The following DCP1A variants were observed in gnomAD, a reference collection of about 807,000 sequenced individuals.
DCP1A encodes the protein decapping mRNA 1A.
In DCP1A, 20 loss-of-function variants were observed where a neutral mutation model predicts 58.0. The observed-to-expected ratio is 0.34, with a 90% confidence interval of 0.24 to 0.50. The LOEUF (loss-of-function observed/expected upper bound fraction) is 0.50, where lower values mean the gene tolerates loss of function less well. DCP1A is among the 20% of genes least tolerant of loss of function. The probability of loss-of-function intolerance (pLI) is 0.98; values close to 1 mark genes in which losing one functional copy is unlikely to be tolerated. For missense variants in DCP1A, 613 were observed against 712.2 expected (o/e 0.86, Z 1.59); for synonymous variants, 285 against 275.1 (o/e 1.04, Z -0.36).
chr3:53,333,947 T>TA (rs1553691624), intron 3 of DCP1A, among the ~76,000 whole-genome samples: 1 of 151,962 alleles, frequency 6.6e-6, no homozygotes, highest in African/African-American at 2.4e-5. Context: ...TCCACGATCT[T>TA]AGAGTTTTTA....
At chr3:53,345,240 T>C (rs2089278210) in intron 1 of DCP1A, among the ~76,000 whole-genome samples, 1 of 152,178 alleles carries the variant, frequency 6.6e-6, no homozygotes, top group South Asian at 2.1e-4. Context: ...ACCTTCACTT[T>C]TTATAGCTAA....
intron 3 of DCP1A, among the ~76,000 whole-genome samples, chr3:53,333,942 G>C (rs1485686953): frequency 6.6e-6 from 1 of 151,718 alleles, no homozygotes; most frequent in Admixed American, 6.6e-5. Flanking sequence ...ACCTTTCCAC[G>C]ATCTTAGAGT....
At chr3:53,315,534 CAAAAAAAAA>C (rs1211486616) in intron 4 of DCP1A, among the ~76,000 whole-genome samples, 5 of 64,992 alleles carry the variant, frequency 7.7e-5, no homozygotes, top group Non-Finnish European at 1.4e-4. Context: ...GACTCTGTCT[CAAAAAAAAA>C]AAAAAAAAAA....
Position 53,292,484 on chromosome 3 carries a change from G to C in DCP1A, c.968C>G (p.Pro323Arg). Residue 323 changes from proline (P) to arginine (R), a missense_variant, in exon 7 of 10, where the codon CCA (proline) becomes CGA (arginine). Around this residue, in one of 3 missense-constraint regions of DCP1A, gnomAD observed 498 missense variants for 556.7 expected, o/e 0.89. Transcript: ENST00000610213. Reference protein sequence around the residue: ...PLSPVLSPTLPAEAPTAQVPP... With the variant: ...PLSPVLSPTLRAEAPTAQVPP... Reference sequence around the variant, plus strand: ...AACCTGTGCAGTAGGAGCTTCAGCTGGCAGAGTGGGACTGAGAACAGGGCT... The same window carrying C: ...AACCTGTGCAGTAGGAGCTTCAGCTCGCAGAGTGGGACTGAGAACAGGGCT... The C allele has an allele frequency of 1.9e-6, 3 of 1,614,032 alleles. No homozygotes were observed. The highest frequency in any genetic ancestry group is 2.5e-6 in the Non-Finnish European group (3 of 1,179,902).
intron 4 of DCP1A, among the ~76,000 whole-genome samples, chr3:53,315,038 G>T (rs1456063672): frequency 6.6e-6 from 1 of 151,958 alleles, no homozygotes; most frequent in Admixed American, 6.6e-5. Context: ...GTAATGGAAG[G>T]GACTCTCACA....
chr3:53,330,546 AC>A (rs2088970640), intron 3 of DCP1A, among the ~76,000 whole-genome samples: 1 of 151,764 alleles, frequency 6.6e-6, no homozygotes, highest in African/African-American at 2.4e-5. Flanking sequence ...AAGAATCTTC[AC>A]CCTTACCAAG....
intron 7 of DCP1A, 33 bp from the exon 8 acceptor site, chr3:53,290,889 A>G: frequency 1.9e-6 from 3 of 1,559,446 alleles, no homozygotes; most frequent in Non-Finnish European, 2.6e-6. Context: ...ACAGACGGAT[A>G]TAAGAAGTTT....
chr3:53,327,959 C>T (rs1464618199), intron 3 of DCP1A, among the ~76,000 whole-genome samples: 1 of 151,148 alleles, frequency 6.6e-6, no homozygotes, highest in South Asian at 2.1e-4. Flanking sequence ...CCCATTTCTA[C>T]TAACAATACA....
chr3:53,330,411 T>C (rs782421822), intron 3 of DCP1A, among the ~76,000 whole-genome samples: 11 of 151,520 alleles, frequency 7.3e-5, no homozygotes, highest in Non-Finnish European at 1.0e-4. Context: ...AAGAAAAAAA[T>C]TTAGCTGGTG....
intron 1 of DCP1A, among the ~76,000 whole-genome samples, chr3:53,345,895 T>A (rs1343224103): frequency 6.6e-6 from 1 of 152,072 alleles, no homozygotes; most frequent in African/African-American, 2.4e-5. Context: ...CCAAAAAACA[T>A]CATGCAAAGT....
intron 3 of DCP1A, among the ~76,000 whole-genome samples, chr3:53,323,222 T>C (rs531376108): frequency 4.6e-5 from 7 of 152,212 alleles, no homozygotes; most frequent in African/African-American, 1.4e-4. Context: ...ACAAGTAATT[T>C]TGGAATGTTT....
intron 4 of DCP1A, among the ~76,000 whole-genome samples, chr3:53,314,693 A>T (rs1707750364): frequency 1.1e-5 from 1 of 93,886 alleles, no homozygotes; most frequent in Admixed American, 1.1e-4. Context: ...TTTTTTTGAG[A>T]CAGAGCCTTA....
chr3:53,293,091 T>C (rs1467737614), intron 6 of DCP1A, among the ~76,000 whole-genome samples: 8 of 152,176 alleles, frequency 5.3e-5, no homozygotes, highest in African/African-American at 1.9e-4. Context: ...CCATTCTTTT[T>C]CTTGGCAAAG....
intron 4 of DCP1A, among the ~76,000 whole-genome samples, chr3:53,314,667 C>CTTTTTTTTTT (rs1167830951): frequency 1.1e-3 from 93 of 86,646 alleles, no homozygotes; most frequent in Non-Finnish European, 1.3e-3. Context: ...TTTTCTTTTT[C>CTTTTTTTTTT]TTTTTTTTTT....
At chr3:53,326,091 T>C (rs1708096279) in intron 3 of DCP1A, among the ~76,000 whole-genome samples, 2 of 152,222 alleles carry the variant, frequency 1.3e-5, no homozygotes, top group African/African-American at 4.8e-5. Flanking sequence ...TTTAAAATGC[T>C]ACTCTTCAAG....
At chr3:53,320,631 T>C (rs1707936870) in intron 3 of DCP1A, among the ~76,000 whole-genome samples, 1 of 152,210 alleles carries the variant, frequency 6.6e-6, no homozygotes, top group Non-Finnish European at 1.5e-5. Context: ...CTTGGTGCCC[T>C]ATAAATTGTT....
Position 53,292,098 on chromosome 3 carries a change from G to C in DCP1A, c.1354C>G (p.Leu452Val). The change falls in exon 7 of 10, where the codon CTG becomes GTG. Residue 452 changes from leucine (L) to valine (V), a missense_variant. Physicochemically the swap from Leu to Val is conservative, Grantham distance 32. This residue lies in a region of DCP1A where 498 missense variants were observed against 556.7 expected (regional missense o/e 0.89). Coordinates refer to ENST00000610213, the MANE Select transcript of DCP1A (RefSeq NM_018403.7). ...AGGGGAGCAAGCACCATGTTGCTCA[G>C]GGAGGCTGAGGCCGCCACTCTTGCT... ...AAARVAASAS[L>V]SNMVLAPLQS... The C allele has an allele frequency of 6.2e-7, 1 of 1,613,064 alleles. No individual in the cohort carries two copies. Among genetic ancestry groups the C allele is most frequent in the Non-Finnish European group, 8.5e-7 (1 of 1,179,638 alleles).
Position 53,319,422 on chromosome 3 carries a change from G to A in DCP1A, c.356C>T (p.Ala119Val), listed in dbSNP as rs782405748. The A allele has an allele frequency of 6.4e-7, 1 of 1,558,328 alleles. No homozygotes were observed. The highest frequency in any genetic ancestry group is 8.7e-7 in the Non-Finnish European group (1 of 1,148,086). Reference sequence around the variant, plus strand: ...ATATACTTACTCAGCCATGAGTTTTGCTATGCGGTGACAGTCATTCTTGTC... The same window carrying A: ...ATATACTTACTCAGCCATGAGTTTTACTATGCGGTGACAGTCATTCTTGTC... ...FYDKNDCHRIAKLMADVVEEE... is the reference protein window; with the variant it reads ...FYDKNDCHRIVKLMADVVEEE... Residue 119 changes from alanine (A) to valine (V), a missense_variant, in exon 4 of 10, where the codon GCA becomes GTA. Transcript: ENST00000610213.
intron 3 of DCP1A, among the ~76,000 whole-genome samples, chr3:53,326,570 T>C (rs1708108069): frequency 6.6e-6 from 1 of 152,246 alleles, no homozygotes; most frequent in African/African-American, 2.4e-5. Context: ...CTCTGCTTCT[T>C]GTCAGATCAG....
Sources: gnomAD v4.1 joint callset for allele counts (sites outside exome capture counted in the v4.1 genomes callset) on GRCh38, gnomAD v4.1.1 for gene constraint, gnomAD v4.1.1 regional missense constraint, MANE v1.5 for transcripts, NCBI Gene and HGNC (gene_info 2026-07-23, HGNC 2026-07-21) for gene names.